The following MYH13 variants were observed in gnomAD, a reference collection of about 807,000 sequenced individuals.
MYH13 encodes the protein myosin-13.
MYH13 carries 177 observed loss-of-function variants against 232.1 expected under a neutral mutation model. That is an observed-to-expected ratio of 0.76 (90% CI 0.67 to 0.86). The LOEUF is 0.86. MYH13 is among the 40% of genes least tolerant of loss of function. The pLI is 0.00. For synonymous variants in MYH13, 884 were observed against 923.5 expected (o/e 0.96, Z 0.78); for missense variants, 2,246 against 2,405.9 (o/e 0.93, Z 1.39).
At position 10,318,833 on chromosome 17, in the gene MYH13, A is replaced by C; in HGVS notation, c.3695T>G (p.Ile1232Ser). The change falls in exon 27 of 41, where the codon ATT becomes AGT. Residue 1232 changes from isoleucine (I) to serine (S), a missense_variant. Ile to Ser is a moderately radical substitution (Grantham distance 142). Coordinates refer to ENST00000252172, the MANE Select transcript of MYH13 (RefSeq NM_003802.3). Reference protein sequence around the residue: ...EKEKSELKMEIDDMASNIEAL... With the variant: ...EKEKSELKMESDDMASNIEAL... ...CTCGATGTTGCTGGCCATGTCGTCA[A>C]TCTCCATCTTCAGCTCGCTCTTCTC... The C allele has an allele frequency of 1.2e-6, 2 of 1,614,022 alleles. No individual in the cohort carries two copies. Among genetic ancestry groups the C allele is most frequent in the Non-Finnish European group, 1.7e-6 (2 of 1,180,014 alleles).
chr17:10,372,116 A>C (rs1248741331), intron 1 of MYH13, among the ~76,000 whole-genome samples: 1 of 152,192 alleles, frequency 6.6e-6, no homozygotes, highest in Non-Finnish European at 1.5e-5. Flanking sequence ...TCTTTAATGC[A>C]TCTTAAATAA....
chr17:10,309,670 T>C lies in MYH13; in HGVS notation c.4817A>G (p.Asp1606Gly). The C allele has an allele frequency of 7.5e-6, 12 of 1,610,398 alleles. No individual in the cohort carries two copies. Among genetic ancestry groups the C allele is most frequent in the Non-Finnish European group, 1.0e-5 (12 of 1,178,282 alleles). ...GTCGTTCCGGCTGCGGATTTCAGCA[T>C]CCAGCACGCTCTGCAGGGCCTCTGC... ...RAAEALQSVL[D>G]AEIRSRNDAL... Residue 1606 changes from aspartate (D) to glycine (G), a missense_variant, in exon 34 of 41, where the codon GAT becomes GGT. Coordinates refer to ENST00000252172, the MANE Select transcript of MYH13 (RefSeq NM_003802.3).
At position 10,355,166 on chromosome 17, in the gene MYH13, A is replaced by T; in HGVS notation, c.739-19T>A. 1 of 1,559,794 alleles carries T rather than the reference A, an allele frequency of 6.4e-7. No individual in the cohort carries two copies. Among genetic ancestry groups the T allele is most frequent in the South Asian group, 1.2e-5 (1 of 84,900 alleles). ...ACTTCCCCTGTCCAATAACAGGTGGACAAATGTTACGGTTATTTGATTTAT... is the reference window on the plus strand; with the variant it reads ...ACTTCCCCTGTCCAATAACAGGTGGTCAAATGTTACGGTTATTTGATTTAT... On this transcript the variant is annotated intron_variant, in intron 8 of 40. Transcript: ENST00000252172.
Position 10,324,326 on chromosome 17 carries a change from G to A in MYH13, c.2692-62C>T, listed in dbSNP as rs986881948. 6 of 1,591,768 alleles carry A rather than the reference G, an allele frequency of 3.8e-6. No homozygotes were observed. The East Asian group carries it at 1.1e-4, about 30-fold the overall frequency. ...TCTTTGAAAATGCTACAAAGAAAGGGTATCACCCTCTAAAAGCTTATTATC... is the reference window on the plus strand; with the variant it reads ...TCTTTGAAAATGCTACAAAGAAAGGATATCACCCTCTAAAAGCTTATTATC... On this transcript the variant is annotated intron_variant, in intron 22 of 40. Transcript: ENST00000252172.
At position 10,309,260 on chromosome 17, in the gene MYH13, C is replaced by A. The variant is rs777944342; in HGVS notation, c.5143G>T (p.Asp1715Tyr). The change falls in exon 35 of 41, where the codon GAC becomes TAC. Residue 1715 changes from aspartate (D) to tyrosine (Y), a missense_variant. Asp to Tyr is a radical substitution (Grantham distance 160). Coordinates refer to ENST00000252172, the MANE Select transcript of MYH13 (RefSeq NM_003802.3). ...LSEQELLDASDRVQLLHSQNT... is the reference protein window; with the variant it reads ...LSEQELLDASYRVQLLHSQNT... Reference sequence around the variant, plus strand: ...TGGGAGTGCAGGAGCTGCACGCGGTCGCTGGCGTCCAGCAGCTCCTGCTCT... The same window carrying A: ...TGGGAGTGCAGGAGCTGCACGCGGTAGCTGGCGTCCAGCAGCTCCTGCTCT... 8 of 1,613,450 alleles carry A rather than the reference C, an allele frequency of 5.0e-6. No individual in the cohort carries two copies. Among genetic ancestry groups the A allele is most frequent in the Non-Finnish European group, 5.9e-6 (7 of 1,179,784 alleles).
rs1906206459 is a variant in MYH13 at position 10,304,382 on chromosome 17, G to A, written c.5467-884C>T. Among the ~76,000 whole-genome samples, 1 of 152,174 alleles carries A rather than the reference G, an allele frequency of 6.6e-6. No individual in the cohort carries two copies. Among genetic ancestry groups the A allele is most frequent in the Admixed American group, 6.5e-5 (1 of 15,280 alleles). On this transcript the variant is annotated intron_variant, in intron 37 of 40. Coordinates refer to ENST00000252172, the MANE Select transcript of MYH13 (RefSeq NM_003802.3). This position sits in a 1 kb window ranked among gnomAD's most constrained non-coding sequence, Gnocchi z 5.3. ...AAGTGAGAATAAGATGCCCTTACTG[G>A]GCAGAGGCAGCCTCAGGTGCACAGA... is the stretch of plus-strand genomic sequence containing the variant.
intron 2 of MYH13, among the ~76,000 whole-genome samples, chr17:10,370,206 A>G (rs2071867632): frequency 6.6e-6 from 1 of 152,244 alleles, no homozygotes. Context: ...CACGTCTCAC[A>G]CTGCTGACGC....
Position 10,318,818 on chromosome 17 carries a change from C to T in MYH13, c.3710G>A (p.Ser1237Asn), listed in dbSNP as rs373664915. The change falls in exon 27 of 41, where the codon AGC (serine) becomes AAC (asparagine). Residue 1237 changes from serine (S) to asparagine (N), a missense_variant. By Grantham distance (46) the Ser-to-Asn change is conservative. Coordinates refer to ENST00000252172, the MANE Select transcript of MYH13 (RefSeq NM_003802.3). Reference protein sequence around the residue: ...ELKMEIDDMASNIEALSKSKS... With the variant: ...ELKMEIDDMANNIEALSKSKS... ...TGACTTGGAGAGAGCCTCGATGTTG[C>T]TGGCCATGTCGTCAATCTCCATCTT... is the stretch of plus-strand genomic sequence containing the variant. The T allele has an allele frequency of 5.0e-6, 8 of 1,614,104 alleles. No individual in the cohort carries two copies. The highest frequency in any genetic ancestry group is 1.7e-5 in the Admixed American group (1 of 60,026).
intron 39 of MYH13, 141 bp from the exon 40 acceptor site, chr17:10,301,844 C>G (rs903447548): frequency 7.6e-6 from 9 of 1,186,808 alleles, no homozygotes; most frequent in Non-Finnish European, 1.0e-5. Flanking sequence ...GAAGCTTTCT[C>G]CAGCGTGTGA....
chr17:10,359,873 C>G, intron 7 of MYH13, 87 bp downstream of exon 7: 1 of 1,216,042 alleles, frequency 8.2e-7, no homozygotes, highest in Non-Finnish European at 1.2e-6. Context: ...TTCTACTGAG[C>G]GCATACCCTG....
intron 3 of MYH13, among the ~76,000 whole-genome samples, chr17:10,363,653 T>C (rs12951092): frequency 0.16 from 24,152 of 152,176 alleles, 2,413 homozygotes; most frequent in Non-Finnish European, 0.23. Flanking sequence ...TGTAAGGTTC[T>C]GAAAATGTGA....
chr17:10,332,175 T>A lies in MYH13; in HGVS notation c.2222A>T (p.Asp741Val), dbSNP rs2142246641. The A allele has an allele frequency of 1.2e-6, 2 of 1,614,028 alleles. No homozygotes were observed. The highest frequency in any genetic ancestry group is 4.5e-5 in the East Asian group (2 of 44,882). Residue 741 changes from aspartate (D) to valine (V), a missense_variant, in exon 20 of 41, where the codon GAC becomes GTC. Coordinates refer to ENST00000252172, the MANE Select transcript of MYH13 (RefSeq NM_003802.3). ...GAGCTTCTCTGAGGCATTTTTGCTG[T>A]CAATGAACTGCCCTTCAGGGATAGC... is the stretch of plus-strand genomic sequence containing the variant. ...ASAIPEGQFI[D>V]SKNASEKLLN... is the part of the protein sequence containing the mutation.
Position 10,340,151 on chromosome 17 carries a change from A to G in MYH13, c.2055T>C (p.Pro685=). 6.2e-7 allele frequency: 1 copy of G among 1,612,592 alleles called. No homozygotes were observed. Among genetic ancestry groups the G allele is most frequent in the Non-Finnish European group, 8.5e-7 (1 of 1,178,912 alleles). Residue 685 remains proline, a splice_region_variant and synonymous_variant, in exon 18 of 41, where the codon CCT becomes CCC. Coordinates refer to ENST00000252172, the MANE Select transcript of MYH13 (RefSeq NM_003802.3). ...TTGGCAAGATCTGCTGGTACTCACC[A>G]GGAGTCTTGGTCTCATTGGGAATCA... is the stretch of plus-strand genomic sequence containing the variant. ...RCLIPNETKT[P]GVMDHYLVMH...
chr17:10,322,262 G>T (rs148337820), intron 23 of MYH13, among the ~76,000 whole-genome samples: 3 of 152,006 alleles, frequency 2.0e-5, no homozygotes, highest in Admixed American at 1.3e-4. Context: ...GCCAGGCATG[G>T]TGGTGGGCAC....
chr17:10,313,143 C>T lies in MYH13; in HGVS notation c.4181+15G>A, dbSNP rs1293676093. The T allele has an allele frequency of 6.2e-7, 1 of 1,614,030 alleles. No homozygotes were observed. Among genetic ancestry groups the T allele is most frequent in the Non-Finnish European group, 8.5e-7 (1 of 1,179,930 alleles). On this transcript the variant is annotated intron_variant, in intron 30 of 40. Transcript: ENST00000252172. ...CCTCGGGCCCCCTCTGCTATTGCCA[C>T]CCTGGAGCCCCTACTTGGCCTCCTC...
Position 10,324,150 on chromosome 17 carries a change from T to C in MYH13, c.2806A>G (p.Met936Val), listed in dbSNP as rs539224323. ...TTCTTGGCAACCAATTCAGAATTCA[T>C]CTCCTCTTCCTCTTCCAATCTCTCC... ...LTERLEEEEE[M>V]NSELVAKKRN... Residue 936 changes from methionine (M) to valine (V), a missense_variant, in exon 23 of 41, where the codon ATG becomes GTG. Physicochemically the swap from Met to Val is conservative, Grantham distance 21. Transcript: ENST00000252172. 4.3e-6 allele frequency: 7 copies of C among 1,613,954 alleles called. No homozygotes were observed. In the African/African-American group the frequency reaches 9.3e-5, roughly 22 times the overall value.
chr17:10,317,242 T>C (rs1389578839), intron 27 of MYH13, among the ~76,000 whole-genome samples: 1 of 150,044 alleles, frequency 6.7e-6, no homozygotes, highest in Non-Finnish European at 1.5e-5. Context: ...GAGAGAGGTG[T>C]GGGAGGGGAA....
intron 21 of MYH13, 89 bp downstream of exon 21, chr17:10,330,298 C>T: frequency 6.5e-7 from 1 of 1,535,610 alleles, no homozygotes; most frequent in African/African-American, 1.4e-5. Flanking sequence ...AGAGCAAGCA[C>T]ATGGAAATCC....
At chr17:10,314,706 G>C (rs915285672) in intron 29 of MYH13, among the ~76,000 whole-genome samples, 3 of 152,110 alleles carry the variant, frequency 2.0e-5, no homozygotes, top group African/African-American at 7.2e-5. Context: ...CAGCAACCTC[G>C]GAATTCCATT....
Sources: allele counts gnomAD v4.1 joint callset (sites outside exome capture counted in the v4.1 genomes callset), GRCh38; gene constraint gnomAD v4.1.1; non-coding constraint Gnocchi (gnomAD v3.1); transcripts MANE v1.5; gene names NCBI Gene and HGNC (gene_info 2026-07-23, HGNC 2026-07-21).